The following AKNA variants were observed in gnomAD, a reference collection of about 807,000 sequenced individuals.
The protein encoded by AKNA is AT-hook transcription factor.
AKNA carries 67 observed loss-of-function variants against 138.8 expected under a neutral mutation model. The observed-to-expected ratio is 0.48, with a 90% confidence interval of 0.40 to 0.59. The LOEUF (loss-of-function observed/expected upper bound fraction) is 0.59. AKNA is among the 20% of genes least tolerant of loss of function. AKNA has a pLI of 0.00. For missense variants in AKNA, 1,813 were observed against 1,880.4 expected, an observed-to-expected ratio of 0.96 and a Z score of 0.66; for synonymous variants, 737 against 754.4, an observed-to-expected ratio of 0.98 and a Z score of 0.38.
intron 11 of AKNA, chr9:114,359,282 T>G: frequency 2.3e-6 from 1 of 435,902 alleles, no homozygotes; most frequent in Non-Finnish European, 4.1e-6. Context: ...TTGCTCAGGC[T>G]AGTCTTGAAC....
chr9:114,343,579 C>T (rs1300567576), intron 19 of AKNA, 129 bp downstream of exon 19: 3 of 921,546 alleles, frequency 3.3e-6, no homozygotes, highest in Non-Finnish European at 5.1e-6. Flanking sequence ...AAATCCTCTT[C>T]CCTGGTCTGT....
chr9:114,383,113 A>T, intron 1 of AKNA: 1 of 455,928 alleles, frequency 2.2e-6, no homozygotes, highest in Non-Finnish European at 4.4e-6. Context: ...GGGGTATTGA[A>T]CACAGGGAAA....
intron 7 of AKNA, 23 bp downstream of exon 7, chr9:114,364,537 G>T (rs1486674388): frequency 1.2e-6 from 2 of 1,613,274 alleles, no homozygotes; most frequent in Non-Finnish European, 1.7e-6. Flanking sequence ...AGTTCCATGG[G>T]TGGCTCCTGA....
Position 114,356,126 on chromosome 9 carries a change from T to C in AKNA, c.2857A>G (p.Thr953Ala), listed in dbSNP as rs779082941. The C allele has an allele frequency of 6.2e-7, 1 of 1,613,196 alleles. No individual in the cohort carries two copies. The highest frequency in any genetic ancestry group is 8.5e-7 in the Non-Finnish European group (1 of 1,179,448). Residue 953 changes from threonine to alanine, a missense_variant, in exon 14 of 22, where the codon ACA (threonine) becomes GCA (alanine). Transcript: ENST00000374088. ...HRLSHISTAG[T>A]LAQPFAASVP... ...GATGCAGCAAAGGGCTGGGCTAATG[T>C]TCCTGCTGTGCTGGGGGACCGTGGA...
intron 8 of AKNA, 98 bp downstream of exon 8, chr9:114,362,308 G>A (rs2131936497): frequency 7.0e-7 from 1 of 1,438,072 alleles, no homozygotes. Context: ...TATTCCCCGT[G>A]TACAAATTAT....
chr9:114,343,746 G>A lies in AKNA; in HGVS notation c.3719C>T (p.Ser1240Phe). 1 of 1,614,208 alleles carries A rather than the reference G, an allele frequency of 6.2e-7. No homozygotes were observed. Among genetic ancestry groups the A allele is most frequent in the South Asian group, 1.1e-5 (1 of 91,078 alleles). Residue 1240 changes from serine to phenylalanine, a missense_variant, in exon 19 of 22, where the codon TCC becomes TTC. Coordinates refer to ENST00000374088, the MANE Select transcript of AKNA (RefSeq NM_001317950.2). ...CCTAATGGGCCGGCAGTGGGGACAG[G>A]AGACTGTGCCATTGCCTTTTGGGAC... ...KAVPKGNGTV[S>F]CPHCRPIRTQ...
chr9:114,385,348 T>C (rs1055533058), intron 1 of AKNA, among the ~76,000 whole-genome samples: 1 of 152,210 alleles, frequency 6.6e-6, no homozygotes, highest in African/African-American at 2.4e-5. Context: ...GAATCTGCAT[T>C]TTAAACCAGG....
At chr9:114,361,347 GC>G (rs978928825) in intron 9 of AKNA, among the ~76,000 whole-genome samples, 22 of 152,156 alleles carry the variant, frequency 1.4e-4, no homozygotes, top group African/African-American at 5.3e-4. Flanking sequence ...TTCAGGGAAA[GC>G]TTCTCTGACC....
intron 1 of AKNA, among the ~76,000 whole-genome samples, chr9:114,381,870 C>T (rs1589030960): frequency 6.6e-6 from 1 of 152,014 alleles, no homozygotes; most frequent in Admixed American, 6.5e-5. Flanking sequence ...AGGCTGGTCT[C>T]GAACTCCTGA....
In AKNA at chr9:114,336,916, C is replaced by T. The variant is rs370544326; in HGVS notation, c.*138G>A. 398 of 1,147,658 alleles carry T rather than the reference C, an allele frequency of 3.5e-4. 6 individuals are homozygous for T. In the East Asian group the frequency reaches 7.9e-3, roughly 23 times the overall value. The allele number at this position is 1,147,658 out of a possible 1,614,324, so 71.1% of individuals were successfully genotyped here. A position where few individuals can be genotyped will look rare whatever the true frequency, so the allele number is the denominator to read the frequency against. ...TTGGAAAGCACAGGGACTGAGCAGGCGGGACCTGTGCTGGAGGGAGACCCT... is the reference window on the plus strand; with the variant it reads ...TTGGAAAGCACAGGGACTGAGCAGGTGGGACCTGTGCTGGAGGGAGACCCT... On this transcript the variant is annotated 3_prime_UTR_variant, in exon 22 of 22. Transcript: ENST00000374088.
intron 15 of AKNA, among the ~76,000 whole-genome samples, chr9:114,348,440 G>A (rs993947235): frequency 3.3e-5 from 5 of 152,196 alleles, no homozygotes; most frequent in Non-Finnish European, 1.5e-5. Context: ...GGATGCTCAG[G>A]AAACAGTACT....
At chr9:114,393,240 G>C (rs1277506716) in intron 1 of AKNA, among the ~76,000 whole-genome samples, 2 of 148,462 alleles carry the variant, frequency 1.3e-5, no homozygotes, top group Non-Finnish European at 3.0e-5. Flanking sequence ...TTTGGAGATG[G>C]AGTCTCGCTC....
chr9:114,352,144 G>A (rs77966154), intron 14 of AKNA, among the ~76,000 whole-genome samples: 2,748 of 152,258 alleles, frequency 0.018, 77 homozygotes, highest in African/African-American at 0.062. Context: ...GTGATGGAAC[G>A]TTCTGTATCT....
intron 15 of AKNA, chr9:114,348,843 G>C: frequency 2.2e-6 from 1 of 456,228 alleles, no homozygotes; most frequent in Non-Finnish European, 4.4e-6. Flanking sequence ...ACATCTACTT[G>C]GTCTGGCTTC....
chr9:114,356,286 C>A, intron 13 of AKNA, 150 bp from the exon 14 acceptor site: 1 of 707,660 alleles, frequency 1.4e-6, no homozygotes, highest in Non-Finnish European at 2.3e-6. Context: ...CAAGGACACA[C>A]ACACATTAGA....
chr9:114,341,466 G>A, intron 21 of AKNA, 67 bp downstream of exon 21: 1 of 1,594,036 alleles, frequency 6.3e-7, no homozygotes, highest in South Asian at 1.1e-5. Flanking sequence ...CCCCACCCAG[G>A]TCTGAATGCT....
Position 114,346,733 on chromosome 9 carries a change from G to A in AKNA, c.3450C>T (p.Val1150=), listed in dbSNP as rs746436496. Residue 1150 remains valine, a synonymous_variant, in exon 17 of 22, where the codon GTC becomes GTT. Transcript: ENST00000374088. ...PGEPRGEEQI[V]PPGRQRARSS... is the part of the protein sequence containing the mutation. ...ACCTGGCTCGCTGCCTTCCTGGAGG[G>A]ACAATCTGCTCTTCACCTCTAGGCT... The A allele has an allele frequency of 6.2e-7, 1 of 1,613,138 alleles. No homozygotes were observed. Among genetic ancestry groups the A allele is most frequent in the African/African-American group, 1.3e-5 (1 of 74,878 alleles).
chr9:114,390,663 G>A (rs561847462), upstream of AKNA, among the ~76,000 whole-genome samples: 23 of 152,280 alleles, frequency 1.5e-4, no homozygotes, highest in Admixed American at 7.8e-4. Flanking sequence ...TAGCTACTAT[G>A]GCTCTGAGAA....
downstream of AKNA, chr9:114,330,670 G>A: frequency 6.2e-7 from 1 of 1,600,898 alleles, no homozygotes. Flanking sequence ...CCTTCCCATG[G>A]GTGGAACCGG....
Sources: gnomAD v4.1 joint callset for allele counts (sites outside exome capture counted in the v4.1 genomes callset) on GRCh38, gnomAD v4.1.1 for gene constraint, MANE v1.5 for transcripts, NCBI Gene and HGNC (gene_info 2026-07-23, HGNC 2026-07-21) for gene names.